TSPAN9: variants seen among roughly 807,000 people sequenced by gnomAD.
TSPAN9 encodes tetraspanin 9, also known as tetraspanin-9.
TSPAN9 carries 16 observed loss-of-function variants against 31.0 expected under a neutral mutation model. That is an observed-to-expected ratio of 0.52 (90% CI 0.35 to 0.78). TSPAN9 has a LOEUF of 0.78. Among genes scored for constraint, TSPAN9 ranks in the 30% least tolerant of loss-of-function variants. The pLI is 0.01. For synonymous variants in TSPAN9, 145 were observed against 121.6 expected (o/e 1.19, Z -1.27); for missense variants, 272 against 312.5 (o/e 0.87, Z 0.98).
At chr12:3,223,149 A>G (rs548166402) in intron 3 of TSPAN9, among the ~76,000 whole-genome samples, 2 of 152,240 alleles carry the variant, frequency 1.3e-5, no homozygotes, top group Non-Finnish European at 2.9e-5. Context: ...AGAAGCCGCT[A>G]TTGTGCTAGG....
chr12:3,105,291 A>G (rs980432477), intron 2 of TSPAN9, among the ~76,000 whole-genome samples: 2 of 152,104 alleles, frequency 1.3e-5, no homozygotes, highest in Non-Finnish European at 2.9e-5. Flanking sequence ...TCTGTTTCCG[A>G]GTGAAGTCTG....
At chr12:3,095,705 G>T (rs1467554863) in intron 2 of TSPAN9, among the ~76,000 whole-genome samples, 26 of 141,724 alleles carry the variant, frequency 1.8e-4, no homozygotes, top group Middle Eastern at 8.1e-3. Flanking sequence ...ATGGGGCGGC[G>T]GGGCAGAGGC....
intron 3 of TSPAN9, among the ~76,000 whole-genome samples, chr12:3,207,686 T>G (rs2153973674): frequency 6.6e-6 from 1 of 152,190 alleles, no homozygotes; most frequent in Non-Finnish European, 1.5e-5. Flanking sequence ...GAGAAGCCCT[T>G]GGGCAGGGGA....
At chr12:3,178,001 G>T (rs945308122) in intron 2 of TSPAN9, among the ~76,000 whole-genome samples, 1 of 152,194 alleles carries the variant, frequency 6.6e-6, no homozygotes, top group Non-Finnish European at 1.5e-5. Flanking sequence ...GCCCTCAGTC[G>T]TGCAGGTTTC....
At chr12:3,181,261 G>A (rs554633777) in intron 2 of TSPAN9, among the ~76,000 whole-genome samples, 127 of 152,342 alleles carry the variant, frequency 8.3e-4, no homozygotes, top group Non-Finnish European at 1.5e-3. Context: ...GAAGTGTGGT[G>A]TGTGCCAGGC....
chr12:3,125,840 T>C (rs1407763173), intron 2 of TSPAN9, among the ~76,000 whole-genome samples: 1 of 152,192 alleles, frequency 6.6e-6, no homozygotes, highest in Non-Finnish European at 1.5e-5. Flanking sequence ...AGAACACTTG[T>C]GATCATAGCC....
chr12:3,232,185 C>T (rs1404614612), intron 3 of TSPAN9, among the ~76,000 whole-genome samples: 1 of 152,142 alleles, frequency 6.6e-6, no homozygotes, highest in Non-Finnish European at 1.5e-5. Context: ...GACCAAGTAC[C>T]CGTTCCTCCT....
At chr12:3,125,947 T>A (rs1024052897) in intron 2 of TSPAN9, among the ~76,000 whole-genome samples, 1 of 152,222 alleles carries the variant, frequency 6.6e-6, no homozygotes, top group Non-Finnish European at 1.5e-5. Flanking sequence ...TTTGGATGAA[T>A]GCTGGCCTTT....
At chr12:3,206,827 A>G (rs1169080934) in intron 3 of TSPAN9, among the ~76,000 whole-genome samples, 1 of 152,202 alleles carries the variant, frequency 6.6e-6, no homozygotes, top group Non-Finnish European at 1.5e-5. Context: ...ACTGCGTATT[A>G]GAGACAAGAT....
At chr12:3,139,418 G>A (rs1054508813) in intron 2 of TSPAN9, among the ~76,000 whole-genome samples, 11 of 152,194 alleles carry the variant, frequency 7.2e-5, no homozygotes, top group East Asian at 5.8e-4. Flanking sequence ...GTCCCCTGCC[G>A]TGCAGTGGAG....
intron 3 of TSPAN9, among the ~76,000 whole-genome samples, chr12:3,258,667 C>T (rs1227727586): frequency 6.6e-6 from 1 of 152,168 alleles, no homozygotes; most frequent in African/African-American, 2.4e-5. Flanking sequence ...AGAACCCAAG[C>T]AGCGCTGAAT....
chr12:3,120,900 C>T (rs1303513118), intron 2 of TSPAN9, among the ~76,000 whole-genome samples: 2 of 152,238 alleles, frequency 1.3e-5, no homozygotes, highest in South Asian at 2.1e-4. Context: ...GGGACCCTTA[C>T]GGAGTGGTGG....
At chr12:3,159,340 G>C in intron 2 of TSPAN9, among the ~76,000 whole-genome samples, 1 of 151,962 alleles carries the variant, frequency 6.6e-6, no homozygotes, top group Non-Finnish European at 1.5e-5. Flanking sequence ...GGGTGGGCTG[G>C]CTAATTTCTA....
At chr12:3,253,466 C>A (rs532386448) in intron 3 of TSPAN9, among the ~76,000 whole-genome samples, 1 of 152,136 alleles carries the variant, frequency 6.6e-6, no homozygotes, top group Non-Finnish European at 1.5e-5. Context: ...GCACCCACCT[C>A]CTCATAGGTT....
At chr12:3,240,380 C>T (rs143246110) in intron 3 of TSPAN9, among the ~76,000 whole-genome samples, 1 of 152,236 alleles carries the variant, frequency 6.6e-6, no homozygotes, top group Non-Finnish European at 1.5e-5. Context: ...GCGTGCTCAG[C>T]CAAGGGGGCC....
At chr12:3,171,135 C>T (rs1342073883) in intron 2 of TSPAN9, among the ~76,000 whole-genome samples, 1 of 152,168 alleles carries the variant, frequency 6.6e-6, no homozygotes, top group Non-Finnish European at 1.5e-5. Flanking sequence ...CGCGCCGAGA[C>T]CTTCTGACTT....
intron 2 of TSPAN9, among the ~76,000 whole-genome samples, chr12:3,087,223 C>A (rs1187161920): frequency 6.6e-6 from 1 of 152,152 alleles, no homozygotes; most frequent in Non-Finnish European, 1.5e-5. Context: ...TGTGCACTCT[C>A]AATAGATCAG....
intron 2 of TSPAN9, among the ~76,000 whole-genome samples, chr12:3,163,338 G>A (rs948580535): frequency 6.6e-6 from 1 of 152,104 alleles, no homozygotes; most frequent in Non-Finnish European, 1.5e-5. Flanking sequence ...TCGCTCTTTT[G>A]TTTCTACCTC....
intron 3 of TSPAN9, among the ~76,000 whole-genome samples, chr12:3,234,844 T>C: frequency 6.6e-6 from 1 of 151,728 alleles, no homozygotes; most frequent in East Asian, 1.9e-4. Flanking sequence ...GGGTCCTGAG[T>C]TGTCGCTGTT....
Sources: gnomAD v4.1 joint callset for allele counts (sites outside exome capture counted in the v4.1 genomes callset) on GRCh38, gnomAD v4.1.1 for gene constraint, MANE v1.5 for transcripts, NCBI Gene and HGNC (gene_info 2026-07-23, HGNC 2026-07-21) for gene names.